Variants in AHNAK observed in about 807,000 individuals in gnomAD.
AHNAK encodes the protein neuroblast differentiation-associated protein AHNAK.
Under a neutral mutation model 37.8 loss-of-function variants are expected in AHNAK, and 23 were observed. That is an observed-to-expected ratio of 0.61 (90% CI 0.44 to 0.86). AHNAK has a LOEUF of 0.86. AHNAK is among the 40% of genes least tolerant of loss of function. AHNAK has a pLI of 0.00. For missense variants in AHNAK, 7,411 were observed against 7,319.4 expected, an observed-to-expected ratio of 1.01 and a Z score of -0.46; for synonymous variants, 2,481 against 2,636.3, an observed-to-expected ratio of 0.94 and a Z score of 1.80.
At chr11:62,438,735 A>G (rs1480898711) in intron 5 of AHNAK, among the ~76,000 whole-genome samples, 5 of 152,080 alleles carry the variant, frequency 3.3e-5, no homozygotes, top group Non-Finnish European at 7.4e-5. Flanking sequence ...ATGTTTGCCC[A>G]TCCCTAAGGC....
chr11:62,521,993 T>C lies in AHNAK; in HGVS notation c.12424A>G (p.Lys4142Glu), dbSNP rs1289541471. Residue 4142 changes from lysine to glutamate, a missense_variant, in exon 5 of 5, where the codon AAG becomes GAG. By Grantham distance (56) the Lys-to-Glu change is moderately conservative. Transcript: ENST00000378024. ...PEVDLNLKGP[K>E]MKGDVDVSLP... ...GAAACGTCCACGTCGCCCTTCATCT[T>C]TGGACCTTTCAGATTCAGGTCAACT... The C allele has an allele frequency of 3.7e-6, 6 of 1,613,906 alleles. No homozygotes were observed. The African/African-American group carries it at 4.0e-5, about 11-fold the overall frequency.
chr11:62,489,183 G>A (rs1051296107), intron 5 of AHNAK, among the ~76,000 whole-genome samples: 1 of 151,490 alleles, frequency 6.6e-6, no homozygotes, highest in Admixed American at 6.6e-5. Context: ...GGAGGTTGCA[G>A]TGAGTTGATA....
intron 2 of AHNAK, 86 bp downstream of exon 2, chr11:62,536,378 TCCCCC>T: frequency 2.9e-6 from 1 of 341,894 alleles, no homozygotes. Flanking sequence ...TTCATCCCTG[TCCCCC>T]ACGGCCCCAG....
At chr11:62,503,695 G>A (rs1939755142) in intron 4 of AHNAK, among the ~76,000 whole-genome samples, 1 of 152,084 alleles carries the variant, frequency 6.6e-6, no homozygotes. Flanking sequence ...GCAAGAACCC[G>A]ATTAATCCAA....
At chr11:62,514,684 T>C (rs1485025727), downstream of AHNAK, among the ~76,000 whole-genome samples, 4 of 152,156 alleles carry the variant, frequency 2.6e-5, no homozygotes, top group Non-Finnish European at 5.9e-5. Context: ...GTGATGAAAC[T>C]GAGCCTCAAG....
intron 5 of AHNAK, among the ~76,000 whole-genome samples, chr11:62,485,606 G>A (rs1387056854): frequency 1.3e-5 from 2 of 151,078 alleles, no homozygotes; most frequent in Non-Finnish European, 1.5e-5. Flanking sequence ...GGAGGCTGAG[G>A]CAGGAGAATC....
rs1303427361 is a variant in AHNAK, at chr11:62,532,037, T to A, written c.2380A>T (p.Ile794Phe). Residue 794 changes from isoleucine (I) to phenylalanine (F), a missense_variant, in exon 5 of 5, where the codon ATT (isoleucine) becomes TTT (phenylalanine). Transcript: ENST00000378024. ...TTCAATTTCCCTTCTGGTTCCTCAA[T>A]GCTCACATCAGGAGCAGTAACATCT... ...KIDVTAPDVS[I>F]EEPEGKLKGP... 6.2e-7 allele frequency: 1 copy of A among 1,613,178 alleles called. No individual in the cohort carries two copies. The highest frequency in any genetic ancestry group is 2.2e-5 in the East Asian group (1 of 44,804).
chr11:62,435,222 T>C (rs1214814333), intron 5 of AHNAK, among the ~76,000 whole-genome samples: 1 of 152,190 alleles, frequency 6.6e-6, no homozygotes, highest in Non-Finnish European at 1.5e-5. Flanking sequence ...AATGCCCCCC[T>C]TTCCTTGCTG....
At chr11:62,499,874 C>T (rs1939683424) in intron 4 of AHNAK, among the ~76,000 whole-genome samples, 1 of 152,228 alleles carries the variant, frequency 6.6e-6, no homozygotes, top group Admixed American at 6.5e-5. Context: ...GAGATCACAT[C>T]TCCCTTCAGG....
At chr11:62,541,969 T>A (rs945578028) in intron 1 of AHNAK, 1 of 152,228 alleles carries the variant, frequency 6.6e-6, no homozygotes, top group Non-Finnish European at 1.5e-5. Context: ...CGCAGACATC[T>A]CAGAGTCTAA....
intron 4 of AHNAK, among the ~76,000 whole-genome samples, chr11:62,499,532 C>A (rs1350977673): frequency 6.6e-6 from 1 of 152,122 alleles, no homozygotes; most frequent in Non-Finnish European, 1.5e-5. Context: ...GCCTGGGCAA[C>A]AGAGCAAGAC....
Position 62,527,131 on chromosome 11 carries a change from A to T in AHNAK, c.7286T>A (p.Ile2429Asn). 1 of 1,613,882 alleles carries T rather than the reference A, an allele frequency of 6.2e-7. No homozygotes were observed. ...HVDVSGPDID[I>N]EGPEGKLKGP... ...TTTCAATTTGCCCTCTGGTCCCTCA[A>T]TGTCAATGTCTGGCCCACTGACATC... is the stretch of plus-strand genomic sequence containing the variant. Residue 2429 changes from isoleucine (I) to asparagine (N), a missense_variant, in exon 5 of 5, where the codon ATT becomes AAT. By Grantham distance (149) the Ile-to-Asn change is moderately radical. Transcript: ENST00000378024.
In AHNAK at chr11:62,517,299, T is replaced by C. The variant is rs115157151; in HGVS notation, c.17118A>G (p.Lys5706=). 324 of 1,614,144 alleles carry C rather than the reference T, an allele frequency of 2.0e-4. 4 individuals are homozygous for C. In the African/African-American group the frequency reaches 4.0e-3, roughly 20 times the overall value. Residue 5706 remains lysine (K), a synonymous_variant, in exon 5 of 5, where the codon AAA becomes AAG. Coordinates refer to ENST00000378024, the MANE Select transcript of AHNAK (RefSeq NM_001620.3). ...GCATTTTGATCTTGGACTTTTTCAG[T>C]TTGACTTCAGACTCTTCCCACTCGC... is the stretch of plus-strand genomic sequence containing the variant. ...GDGEWEESEV[K]LKKSKIKMPK...
rs570628406 is a variant in AHNAK, at chr11:62,517,190, G to A, written c.17227C>T (p.Leu5743=). ...EASISGSKGD[L]KSSKASLGSL... ...CCCAGGCTGGCCTTTGAACTTTTCA[G>A]GTCACCTTTGGACCCAGAAATTGAT... Residue 5743 remains leucine, a synonymous_variant, in exon 5 of 5, where the codon CTG becomes TTG. Transcript: ENST00000378024. 8.3e-5 allele frequency: 134 copies of A among 1,613,924 alleles called. 2 individuals carry two copies. The South Asian group carries it at 1.4e-3, about 16-fold the overall frequency.
chr11:62,534,558 TTAAA>T (rs1382069034), intron 4 of AHNAK, among the ~76,000 whole-genome samples: 2 of 152,190 alleles, frequency 1.3e-5, no homozygotes, highest in Non-Finnish European at 2.9e-5. Context: ...CCATTATTTG[TTAAA>T]TAAACAAGCC....
chr11:62,530,229 T>C lies in AHNAK; in HGVS notation c.4188A>G (p.Lys1396=). Residue 1396 remains lysine (K), a synonymous_variant, in exon 5 of 5, where the codon AAA becomes AAG. Transcript: ENST00000378024. ...TCACATCCACTTCAGGGCCCTCTCC[T>C]TTGAAGCCGGGCATGCTGAACTTGG... The part of the protein sequence containing the change: ...KMPKFSMPGF[K]GEGPEVDVKL... 6.2e-7 allele frequency: 1 copy of C among 1,612,434 alleles called. No individual in the cohort carries two copies. Among genetic ancestry groups the C allele is most frequent in the Non-Finnish European group, 8.5e-7 (1 of 1,179,638 alleles).
In AHNAK at chr11:62,519,408, T is replaced by C; in HGVS notation, c.15009A>G (p.Ala5003=). ...SPSLDVTVPE[A]ELNLETPEIS... is the part of the protein sequence containing the mutation. ...TTTCAGGAGTCTCAAGGTTCAGCTC[T>C]GCCTCAGGAACAGTGACATCCAGTG... The change falls in exon 5 of 5, where the codon GCA becomes GCG. Residue 5003 remains alanine, a synonymous_variant. Coordinates refer to ENST00000378024, the MANE Select transcript of AHNAK (RefSeq NM_001620.3). The C allele has an allele frequency of 1.2e-6, 2 of 1,613,120 alleles. No individual in the cohort carries two copies. Among genetic ancestry groups the C allele is most frequent in the South Asian group, 1.1e-5 (1 of 90,842 alleles).
chr11:62,448,709 G>A (rs914812132), intron 5 of AHNAK, among the ~76,000 whole-genome samples: 3 of 152,186 alleles, frequency 2.0e-5, no homozygotes, highest in Non-Finnish European at 4.4e-5. Context: ...GAAGAAGAAA[G>A]GGGCAGCTCA....
At chr11:62,486,241 G>A (rs969944280) in intron 5 of AHNAK, among the ~76,000 whole-genome samples, 1 of 151,912 alleles carries the variant, frequency 6.6e-6, no homozygotes, top group Non-Finnish European at 1.5e-5. Context: ...TTGGGAGGCC[G>A]AGGTGGGTGG....
Sources: gnomAD v4.1 joint callset for allele counts (sites outside exome capture counted in the v4.1 genomes callset) on GRCh38, gnomAD v4.1.1 for gene constraint, MANE v1.5 for transcripts, NCBI Gene and HGNC (gene_info 2026-07-23, HGNC 2026-07-21) for gene names.